CDH4: variants seen among roughly 807,000 people sequenced by gnomAD.
CDH4 encodes cadherin 4.
A neutral mutation model predicts 86.0 loss-of-function variants in CDH4; 33 were observed. That is an observed-to-expected ratio of 0.38 (90% CI 0.29 to 0.51). The LOEUF (loss-of-function observed/expected upper bound fraction) is 0.51. Ranked by LOEUF, CDH4 falls within the 20% of genes least tolerant of loss-of-function variation. CDH4 has a pLI of 0.86. For missense variants in CDH4, 1,114 were observed against 1,307.4 expected (o/e 0.85, Z 2.28); for synonymous variants, 555 against 549.4 (o/e 1.01, Z -0.14).
At chr20:61,580,949 C>A (rs2086423429) in intron 2 of CDH4, among the ~76,000 whole-genome samples, 1 of 152,216 alleles carries the variant, frequency 6.6e-6, no homozygotes, top group Non-Finnish European at 1.5e-5. Context: ...AAGTCAGAGT[C>A]TGCTAAAGAG....
At chr20:61,484,772 G>A (rs1052036363) in intron 2 of CDH4, among the ~76,000 whole-genome samples, 3 of 152,274 alleles carry the variant, frequency 2.0e-5, no homozygotes, top group African/African-American at 4.8e-5. Flanking sequence ...CAGGGGGTGC[G>A]CCCAGCAGCC....
intron 2 of CDH4, among the ~76,000 whole-genome samples, chr20:61,492,061 ATGG>A (rs1241209090): frequency 6.9e-6 from 1 of 144,322 alleles, no homozygotes; most frequent in Non-Finnish European, 1.5e-5. Context: ...GATGTTGCTG[ATGG>A]TGGTGTCAAT....
intron 2 of CDH4, among the ~76,000 whole-genome samples, chr20:61,743,222 GA>G (rs1334548487): frequency 6.6e-6 from 1 of 152,224 alleles, no homozygotes; most frequent in East Asian, 1.9e-4. Context: ...GAATATTTTT[GA>G]GGTGGAGAAT....
At chr20:61,864,812 T>C (rs1444844584) in intron 6 of CDH4, among the ~76,000 whole-genome samples, 2 of 152,290 alleles carry the variant, frequency 1.3e-5, no homozygotes, top group African/African-American at 4.8e-5. Context: ...GTGAGTTCGC[T>C]GGGGCCTCCC....
intron 2 of CDH4, among the ~76,000 whole-genome samples, chr20:61,423,572 T>C (rs1333182644): frequency 6.6e-6 from 1 of 152,132 alleles, no homozygotes; most frequent in African/African-American, 2.4e-5. Context: ...AGCATTGACT[T>C]TTGGATGGCG....
chr20:61,518,767 ATCATCCATCCTT>A lies in CDH4; in HGVS notation c.170-224786_170-224775del, dbSNP rs907043810. Among the ~76,000 whole-genome samples the A allele has an allele frequency of 1.4e-4, 21 of 150,336 alleles. No homozygotes were observed. The highest frequency in any genetic ancestry group is 5.1e-4 in the African/African-American group (21 of 40,784). On this transcript the variant is annotated intron_variant, in intron 2 of 15. Transcript: ENST00000614565. This position sits in a 1 kb window ranked among gnomAD's most constrained non-coding sequence, Gnocchi z 6.3. ...CATCCATCCATTCGTACATCCACCC[ATCATCCATCCTT>A]TCATCCATCATTCATTCATCCATCC...
At chr20:61,765,673 C>T (rs1490928432) in intron 3 of CDH4, among the ~76,000 whole-genome samples, 1 of 152,150 alleles carries the variant, frequency 6.6e-6, no homozygotes, top group Non-Finnish European at 1.5e-5. Context: ...TAGGGACCAG[C>T]CTGGGCGTGG....
At chr20:61,530,774 C>T (rs1371228707) in intron 2 of CDH4, among the ~76,000 whole-genome samples, 1 of 152,044 alleles carries the variant, frequency 6.6e-6, no homozygotes, top group Non-Finnish European at 1.5e-5. Flanking sequence ...CACAACAGAA[C>T]GAGTGAGGGC....
chr20:61,493,005 CA>C (rs1220004660), intron 2 of CDH4, among the ~76,000 whole-genome samples: 1 of 152,196 alleles, frequency 6.6e-6, no homozygotes, highest in Admixed American at 6.5e-5. Flanking sequence ...GATGGTCAAC[CA>C]GGGCTTGGGA....
At chr20:61,598,736 C>T (rs913345404) in intron 2 of CDH4, among the ~76,000 whole-genome samples, 6 of 152,182 alleles carry the variant, frequency 3.9e-5, no homozygotes, top group African/African-American at 7.2e-5. Context: ...CTTCTCCACG[C>T]GTCCCAGAGG....
At chr20:61,839,302 G>A (rs754198592) in intron 4 of CDH4, among the ~76,000 whole-genome samples, 29 of 151,966 alleles carry the variant, frequency 1.9e-4, no homozygotes, top group Non-Finnish European at 3.4e-4. Flanking sequence ...GTGTGTGTGT[G>A]TATTGTGTTC....
At chr20:61,690,871 G>GC (rs1284326506) in intron 2 of CDH4, among the ~76,000 whole-genome samples, 1 of 152,122 alleles carries the variant, frequency 6.6e-6, no homozygotes, top group Non-Finnish European at 1.5e-5. Context: ...CCAGGTCCAA[G>GC]CAGAGGCATT....
At chr20:61,351,718 A>G (rs2084713755) in intron 2 of CDH4, among the ~76,000 whole-genome samples, 1 of 99,408 alleles carries the variant, frequency 1.0e-5, no homozygotes, top group South Asian at 3.5e-4. Flanking sequence ...TTTTATTTTT[A>G]TTTATCTTTT....
chr20:61,724,131 G>GC (rs1407725725), intron 2 of CDH4, among the ~76,000 whole-genome samples: 19 of 140,600 alleles, frequency 1.4e-4, no homozygotes, highest in African/African-American at 3.8e-4. Context: ...CATGTGGCAG[G>GC]GGGGTGGGTC....
chr20:61,925,331 G>T (rs563487101), intron 11 of CDH4, among the ~76,000 whole-genome samples: 1 of 152,186 alleles, frequency 6.6e-6, no homozygotes, highest in Non-Finnish European at 1.5e-5. Context: ...GTGGGAGCAG[G>T]GATTCTGGAA....
intron 2 of CDH4, among the ~76,000 whole-genome samples, chr20:61,275,528 ACAGTTTGGGGGAGTACCCTGCG>A (rs1568777799): frequency 1.8e-4 from 17 of 94,896 alleles, no homozygotes; most frequent in Non-Finnish European, 3.2e-4. Context: ...AGTACCATGC[ACAGTTTGGGGGAGTACCCTGCG>A]CAGTTTGGGG....
intron 2 of CDH4, among the ~76,000 whole-genome samples, chr20:61,609,568 G>A (rs2086669454): frequency 6.6e-6 from 1 of 152,204 alleles, no homozygotes; most frequent in Admixed American, 6.5e-5. Context: ...GAGAGAAGGT[G>A]GAGACCCAGC....
At chr20:61,271,942 G>A (rs535387529) in intron 2 of CDH4, among the ~76,000 whole-genome samples, 2 of 152,336 alleles carry the variant, frequency 1.3e-5, no homozygotes, top group Admixed American at 6.5e-5. Context: ...CTGATTGGGG[G>A]CAGGGTGGGC....
chr20:61,340,715 G>C (rs181725607), intron 2 of CDH4, among the ~76,000 whole-genome samples: 120 of 151,810 alleles, frequency 7.9e-4, no homozygotes, highest in Middle Eastern at 6.8e-3. Context: ...CTCCTAAATA[G>C]CTGGGACCAC....
Sources: allele counts gnomAD v4.1 joint callset (sites outside exome capture counted in the v4.1 genomes callset), GRCh38; gene constraint gnomAD v4.1.1; non-coding constraint Gnocchi (gnomAD v3.1); transcripts MANE v1.5; gene names NCBI Gene and HGNC (gene_info 2026-07-23, HGNC 2026-07-21).